The following DOCK8 variants were observed in gnomAD, a reference collection of about 807,000 sequenced individuals.
The protein encoded by DOCK8 is dedicator of cytokinesis 8, also known as dedicator of cytokinesis protein 8.
DOCK8 carries 141 observed loss-of-function variants against 245.6 expected under a neutral mutation model. The ratio of observed to expected loss-of-function variants is 0.57; its 90% CI spans 0.50 to 0.66. The LOEUF is 0.66. DOCK8 is among the 30% of genes least tolerant of loss of function. The pLI, the probability that DOCK8 is intolerant of heterozygous loss-of-function variation, is 0.00. For missense variants in DOCK8, 2,965 were observed against 2,603.4 expected, an observed-to-expected ratio of 1.14 and a Z score of -3.02; for synonymous variants, 1,168 against 970.2, an observed-to-expected ratio of 1.20 and a Z score of -3.79.
intron 22 of DOCK8, among the ~76,000 whole-genome samples, chr9:384,436 A>G (rs2053860907): frequency 6.6e-6 from 1 of 152,178 alleles, no homozygotes; most frequent in Non-Finnish European, 1.5e-5. Flanking sequence ...TACAAATTCC[A>G]GCCACTTGAC....
intron 22 of DOCK8, among the ~76,000 whole-genome samples, chr9:384,127 T>C (rs2053845224): frequency 6.6e-6 from 1 of 152,256 alleles, no homozygotes; most frequent in South Asian, 2.1e-4. Context: ...TTGTTCTTCA[T>C]GACCTTGACA....
chr9:248,984 G>T (rs2047580829), intron 1 of DOCK8, among the ~76,000 whole-genome samples: 1 of 152,126 alleles, frequency 6.6e-6, no homozygotes, highest in Admixed American at 6.5e-5. Context: ...ATGGAAAGAG[G>T]GCTGCCTCCA....
chr9:422,027 C>T (rs2056299377), intron 32 of DOCK8, 21 bp from the exon 33 acceptor site: 1 of 1,595,998 alleles, frequency 6.3e-7, no homozygotes, highest in South Asian at 1.1e-5. Context: ...AAATTCCTAT[C>T]ATGCATTTCT....
rs1475703240 is a variant in DOCK8, at chr9:400,949, A to ACCTCCT, written c.3234+1692_3234+1693insTCCTCC. Among the ~76,000 whole-genome samples the ACCTCCT allele has an allele frequency of 4.4e-5, 5 of 113,382 alleles. 1 individual carries two copies. The highest frequency in any genetic ancestry group is 1.7e-4 in the Admixed American group (2 of 11,952). 74.4% of individuals were successfully genotyped at this position (113,382 alleles called of 152,430 possible). On this transcript the variant is annotated intron_variant, in intron 26 of 47. Coordinates refer to ENST00000432829, the MANE Select transcript of DOCK8 (RefSeq NM_203447.4). Reference sequence around the variant, plus strand: ...CACCACAACATCCACCACCACCATCACCACCACCACCACCACCTCCTCCAC... The same window carrying ACCTCCT: ...CACCACAACATCCACCACCACCATCACCTCCTCCACCACCACCACCACCTCCTCCAC...
At chr9:316,966 C>G in intron 6 of DOCK8, 77 bp from the exon 7 acceptor site, 1 of 1,160,844 alleles carries the variant, frequency 8.6e-7, no homozygotes, top group Non-Finnish European at 1.3e-6. Context: ...GGGTAGCCTT[C>G]CCTTCCCTGG....
At chr9:288,485 C>T (rs958063558) in intron 3 of DOCK8, among the ~76,000 whole-genome samples, 1 of 152,212 alleles carries the variant, frequency 6.6e-6, no homozygotes, top group Admixed American at 6.5e-5. Flanking sequence ...TGAGAATTAA[C>T]TGAATTAATA....
Position 336,597 on chromosome 9 carries a change from G to A in DOCK8, c.1301G>A (p.Gly434Asp). Residue 434 changes from glycine (G) to aspartate (D), a missense_variant, in exon 12 of 48, where the codon GGT (glycine) becomes GAT (aspartate). Physicochemically the swap from Gly to Asp is moderately conservative, Grantham distance 94. This residue lies in a region of DOCK8 where 2,825 missense variants were observed against 2,453.5 expected (regional missense o/e 1.15). Coordinates refer to ENST00000432829, the MANE Select transcript of DOCK8 (RefSeq NM_203447.4). ...VDSVVGRSSV[G>D]ERRTLAQSRR... The stretch of plus-strand genomic sequence containing the variant: ...TTTCTTAAAGGGAGAAGCTCAGTGG[G>A]TGAACGGAGGACATTGGCCCAATCT... 6.2e-7 allele frequency: 1 copy of A among 1,614,180 alleles called. No homozygotes were observed. The highest frequency in any genetic ancestry group is 8.5e-7 in the Non-Finnish European group (1 of 1,180,014).
At chr9:363,965 C>G (rs1004315784) in intron 14 of DOCK8, among the ~76,000 whole-genome samples, 3 of 152,162 alleles carry the variant, frequency 2.0e-5, no homozygotes, top group African/African-American at 4.8e-5. Context: ...CTTCAAAGCA[C>G]CTTCACAAAC....
intron 37 of DOCK8, among the ~76,000 whole-genome samples, chr9:432,742 A>AG (rs1474403246): frequency 6.6e-6 from 1 of 152,106 alleles, no homozygotes; most frequent in Non-Finnish European, 1.5e-5. Context: ...GGGAAAAGTG[A>AG]GGGGGAAATT....
At chr9:255,666 TCCAAAAAA>T (rs2047753562) in intron 1 of DOCK8, among the ~76,000 whole-genome samples, 4 of 104,632 alleles carry the variant, frequency 3.8e-5, no homozygotes, top group Admixed American at 1.1e-4. Context: ...AGACTCCATC[TCCAAAAAA>T]AAAAAAAAAA....
chr9:351,788 T>A (rs1041929725), intron 14 of DOCK8, among the ~76,000 whole-genome samples: 26 of 152,190 alleles, frequency 1.7e-4, no homozygotes, highest in Non-Finnish European at 8.8e-5. Flanking sequence ...AAAGATGTCA[T>A]GGCAACAGTC....
intron 5 of DOCK8, among the ~76,000 whole-genome samples, chr9:306,042 T>C (rs1220694989): frequency 6.6e-6 from 1 of 152,206 alleles, no homozygotes; most frequent in Non-Finnish European, 1.5e-5. Context: ...TGAATGTGTT[T>C]AACACTACTG....
upstream of DOCK8, chr9:214,780 C>T: frequency 6.5e-7 from 1 of 1,549,576 alleles, no homozygotes; most frequent in Non-Finnish European, 8.7e-7. Context: ...GTGGCGGAGC[C>T]GGCCGTCGCT....
In DOCK8 at chr9:465,130, C is replaced by T. The variant is rs1366424946; in HGVS notation, c.*911C>T. 6.6e-6 allele frequency: 1 copy of T among 152,618 alleles called. No individual in the cohort carries two copies. The highest frequency in any genetic ancestry group is 1.5e-5 in the Non-Finnish European group (1 of 68,030). The allele number at this position is 152,618 out of a possible 1,614,324, so 9.5% of individuals were successfully genotyped here. ...AGCTACAAAATATATTCAACTTTGA[C>T]TTCTTTTGACAAAGGACTTTAGGAA... is the stretch of plus-strand genomic sequence containing the variant. On this transcript the variant is annotated 3_prime_UTR_variant, in exon 48 of 48. Transcript: ENST00000432829.
intron 2 of DOCK8, among the ~76,000 whole-genome samples, chr9:272,530 C>T (rs948206555): frequency 1.3e-5 from 2 of 152,066 alleles, no homozygotes; most frequent in African/African-American, 4.8e-5. Context: ...GGACTACAGG[C>T]GCATGCCACC....
At chr9:286,334 C>G in intron 2 of DOCK8, 127 bp from the exon 3 acceptor site, 2 of 1,058,882 alleles carry the variant, frequency 1.9e-6, no homozygotes. Flanking sequence ...AAGAGTCGCT[C>G]CGTTTTATGC....
At chr9:425,431 C>T (rs1385210779) in intron 33 of DOCK8, among the ~76,000 whole-genome samples, 4 of 151,046 alleles carry the variant, frequency 2.6e-5, no homozygotes, top group East Asian at 2.0e-4. Flanking sequence ...ACTCGGGAGG[C>T]TGAAGCAGGA....
intron 42 of DOCK8, 120 bp from the exon 43 acceptor site, chr9:443,307 C>A (rs1471373438): frequency 1.4e-5 from 14 of 970,486 alleles, no homozygotes; most frequent in South Asian, 2.7e-5. Context: ...GAGGAACTCT[C>A]AATAATCAGT....
At chr9:219,225 T>C (rs2131329827) in intron 1 of DOCK8, among the ~76,000 whole-genome samples, 1 of 152,310 alleles carries the variant, frequency 6.6e-6, no homozygotes. Context: ...ATCTCAGCAT[T>C]TTGGGAGGCC....
Sources: allele counts gnomAD v4.1 joint callset (sites outside exome capture counted in the v4.1 genomes callset), GRCh38; gene constraint gnomAD v4.1.1; regional missense constraint gnomAD v4.1.1; transcripts MANE v1.5; gene names NCBI Gene and HGNC (gene_info 2026-07-23, HGNC 2026-07-21).